The following EPG5 variants were observed in gnomAD, a reference collection of about 807,000 sequenced individuals.
EPG5 encodes the protein ectopic P granules protein 5 homolog.
A neutral mutation model predicts 302.7 loss-of-function variants in EPG5; 159 were observed. That is an observed-to-expected ratio of 0.53 (90% CI 0.46 to 0.60). The LOEUF is 0.60. Among genes scored for constraint, EPG5 ranks in the 20% least tolerant of loss-of-function variants. The pLI is 0.00. For synonymous variants in EPG5, 1,158 were observed against 1,136.8 expected, an observed-to-expected ratio of 1.02 and a Z score of -0.37; for missense variants, 2,896 against 3,092.4, an observed-to-expected ratio of 0.94 and a Z score of 1.51.
At position 45,880,156 on chromosome 18, in the gene EPG5, G is replaced by T. The variant is rs2049063690; in HGVS notation, c.5586C>A (p.Ala1862=). 1.2e-6 allele frequency: 2 copies of T among 1,611,794 alleles called. No individual in the cohort carries two copies. The highest frequency in any genetic ancestry group is 1.7e-5 in the Admixed American group (1 of 59,930). ...ACGCTGCCCCCTGCTGGCAGCTGGG[G>T]GCGCAGCAGCCCAGGGCTCTCAGAG... ...KATLRALGCC[A]PSCQQGAAST... Residue 1862 remains alanine (A), a synonymous_variant, in exon 32 of 44, where the codon GCC becomes GCA. Coordinates refer to ENST00000282041, the MANE Select transcript of EPG5 (RefSeq NM_020964.3).
the EPG5 span, chr18:45,837,903 C>T: frequency 6.7e-7 from 1 of 1,497,040 alleles, no homozygotes; most frequent in Admixed American, 2.2e-5. Flanking sequence ...ACAGGCGAGG[C>T]GGCGTGGGAG....
intron 27 of EPG5, among the ~76,000 whole-genome samples, chr18:45,898,791 C>T (rs1292321393): frequency 6.6e-6 from 1 of 152,208 alleles, no homozygotes; most frequent in East Asian, 1.9e-4. Context: ...CATGGCCACT[C>T]CATTTCCAAA....
intron 7 of EPG5, 131 bp downstream of exon 7, chr18:45,946,532 A>G (rs75438218): frequency 0.015 from 9,934 of 663,204 alleles, 130 homozygotes; most frequent in Middle Eastern, 0.02. Flanking sequence ...AATAGGAATC[A>G]TAAGTCTTTA....
At chr18:45,846,193 T>C (rs1161705745), downstream of EPG5, among the ~76,000 whole-genome samples, 1 of 151,868 alleles carries the variant, frequency 6.6e-6, no homozygotes, top group Non-Finnish European at 1.5e-5. Flanking sequence ...TAACAGCCCC[T>C]CATGTTTCTG....
intron 10 of EPG5, among the ~76,000 whole-genome samples, chr18:45,937,030 T>C (rs2145861295): frequency 6.6e-6 from 1 of 152,160 alleles, no homozygotes; most frequent in South Asian, 2.1e-4. Flanking sequence ...AAGAAACTTC[T>C]CTAAGGTCAG....
At chr18:45,921,625 C>T (rs1305223309) in intron 16 of EPG5, among the ~76,000 whole-genome samples, 1 of 152,140 alleles carries the variant, frequency 6.6e-6, no homozygotes, top group Non-Finnish European at 1.5e-5. Context: ...CAGTAGAAGA[C>T]ATACAGACAG....
intron 8 of EPG5, 23 bp downstream of exon 8, chr18:45,943,973 CCACATTTTA>C (rs772488846): frequency 7.2e-7 from 1 of 1,398,112 alleles, no homozygotes; most frequent in Admixed American, 1.7e-5. Flanking sequence ...CTTGCCACTA[CCACATTTTA>C]CACTTAAGAG....
In EPG5 at chr18:45,855,716, G is replaced by A. The variant is rs376684243; in HGVS notation, c.7443-29C>T. ...AGGCATTAGGGAGAGGTCAGAAGAAGTAAATGGCTATTAAAGTAAGCATTT... is the reference window on the plus strand; with the variant it reads ...AGGCATTAGGGAGAGGTCAGAAGAAATAAATGGCTATTAAAGTAAGCATTT... On this transcript the variant is annotated intron_variant, in intron 42 of 43. Coordinates refer to ENST00000282041, the MANE Select transcript of EPG5 (RefSeq NM_020964.3). 1.2e-5 allele frequency: 17 copies of A among 1,424,968 alleles called. No individual in the cohort carries two copies. The African/African-American group carries it at 2.2e-4, about 19-fold the overall frequency. The allele number at this position is 1,424,968 out of a possible 1,614,324, so 88.3% of individuals were successfully genotyped here.
At chr18:45,938,061 C>T (rs180998172) in intron 10 of EPG5, among the ~76,000 whole-genome samples, 4 of 152,290 alleles carry the variant, frequency 2.6e-5, no homozygotes, top group Admixed American at 1.3e-4. Flanking sequence ...ACCAGGCCAG[C>T]GTCAGTGGAC....
Position 45,954,649 on chromosome 18 carries a change from T to G in EPG5, c.753A>C (p.Glu251Asp). 6.2e-7 allele frequency: 1 copy of G among 1,614,274 alleles called. No individual in the cohort carries two copies. Among genetic ancestry groups the G allele is most frequent in the Non-Finnish European group, 8.5e-7 (1 of 1,180,036 alleles). ...RLYPELPSQL[E>D]LVPFTKEQLK... is the part of the protein sequence containing the mutation. ...GCTGTTCTTTAGTAAATGGTACTAGTTCCAGTTGAGACGGGAGTTCTGGGT... is the reference window on the plus strand; with the variant it reads ...GCTGTTCTTTAGTAAATGGTACTAGGTCCAGTTGAGACGGGAGTTCTGGGT... The change falls in exon 2 of 44, where the codon GAA becomes GAC. Residue 251 changes from glutamate (E) to aspartate (D), a missense_variant. Coordinates refer to ENST00000282041, the MANE Select transcript of EPG5 (RefSeq NM_020964.3).
At position 45,848,594 on chromosome 18, in the gene EPG5, C is replaced by T. The variant is rs898733846; in HGVS notation, c.*3873G>A. 3.9e-5 allele frequency: 6 copies of T among 152,250 alleles called. No individual in the cohort carries two copies. The highest frequency in any genetic ancestry group is 8.8e-5 in the Non-Finnish European group (6 of 68,056). 9.4% of individuals were successfully genotyped at this position (152,250 alleles called of 1,614,324 possible). ...GTAAAGGAGGCACCACGGGGGTAAA[C>T]CCAAGGAAGCACTCTCTTGGCACCT... is the stretch of plus-strand genomic sequence containing the variant. On this transcript the variant is annotated 3_prime_UTR_variant, in exon 44 of 44. Coordinates refer to ENST00000282041, the MANE Select transcript of EPG5 (RefSeq NM_020964.3).
At chr18:45,833,734 G>A in the EPG5 span, among the ~76,000 whole-genome samples, 2 of 152,312 alleles carry the variant, frequency 1.3e-5, no homozygotes, top group African/African-American at 4.8e-5. Flanking sequence ...TGCTGTTGCT[G>A]TTAGTTCATA....
At chr18:45,881,448 C>A (rs752822257) in intron 31 of EPG5, among the ~76,000 whole-genome samples, 3 of 152,222 alleles carry the variant, frequency 2.0e-5, no homozygotes, top group Non-Finnish European at 4.4e-5. Flanking sequence ...TGAGAGGCTG[C>A]ACATTTCAAG....
At chr18:45,838,543 A>G in the EPG5 span, 1 of 817,732 alleles carries the variant, frequency 1.2e-6, no homozygotes, top group Non-Finnish European at 1.8e-6. Context: ...GGAGAAGCAG[A>G]AGCAGAGATG....
chr18:45,804,702 C>G, the EPG5 span, among the ~76,000 whole-genome samples: 3,011 of 152,232 alleles, frequency 0.02, 103 homozygotes, highest in African/African-American at 0.069. Flanking sequence ...TTATCACTAG[C>G]AGACCTTTAT....
At chr18:45,936,455 CG>C (rs60270815) in intron 10 of EPG5, among the ~76,000 whole-genome samples, 24,106 of 152,020 alleles carry the variant, frequency 0.16, 2,758 homozygotes, top group East Asian at 0.29. Flanking sequence ...TGGCTGGATG[CG>C]GTGGCTCACG....
chr18:45,966,338 T>C (rs938737337), intron 1 of EPG5, among the ~76,000 whole-genome samples: 3 of 145,738 alleles, frequency 2.1e-5, no homozygotes, highest in Non-Finnish European at 3.0e-5. Context: ...ATCGCGCCAC[T>C]GCACTCCGGC....
chr18:45,880,656 G>A (rs1057083149), intron 31 of EPG5, among the ~76,000 whole-genome samples: 1 of 152,060 alleles, frequency 6.6e-6, no homozygotes, highest in African/African-American at 2.4e-5. Context: ...TCTCCTACCG[G>A]CCCCCCAATT....
chr18:45,830,928 G>C, the EPG5 span, among the ~76,000 whole-genome samples: 2 of 152,006 alleles, frequency 1.3e-5, no homozygotes, highest in Non-Finnish European at 2.9e-5. Context: ...TGCTTTATGT[G>C]CTTTCTTGTC....
Sources: allele counts gnomAD v4.1 joint callset (sites outside exome capture counted in the v4.1 genomes callset), GRCh38; gene constraint gnomAD v4.1.1; transcripts MANE v1.5; gene names NCBI Gene and HGNC (gene_info 2026-07-23, HGNC 2026-07-21).